The following JARID2 variants were observed in gnomAD, a reference collection of about 807,000 sequenced individuals.
The protein encoded by JARID2 is jumonji and AT-rich interaction domain containing 2.
In JARID2, 21 loss-of-function variants were observed where a neutral mutation model predicts 125.6. That is an observed-to-expected ratio of 0.17 (90% CI 0.12 to 0.24). The LOEUF is 0.24. JARID2 is among the 10% of genes least tolerant of loss of function. The probability of loss-of-function intolerance (pLI) is 1.00; values close to 1 mark genes in which losing one functional copy is unlikely to be tolerated. For synonymous variants in JARID2, 736 were observed against 661.6 expected, an observed-to-expected ratio of 1.11 and a Z score of -1.73; for missense variants, 1,303 against 1,639.6, an observed-to-expected ratio of 0.79 and a Z score of 3.55.
chr6:15,386,021 G>A lies in JARID2; in HGVS notation c.181+11769G>A, dbSNP rs190702147. The stretch of plus-strand genomic sequence containing the variant: ...GTTTAGGTACAAGGTATGTTGCTTG[G>A]TGGTTTAAATTACAATTGGGCTTTT... On this transcript the variant is annotated intron_variant, in intron 2 of 17. Transcript: ENST00000341776. 9.7e-4 allele frequency among the ~76,000 whole-genome samples: 148 copies of A among 152,254 alleles called. 2 individuals carry two copies. The highest frequency in any genetic ancestry group is 4.4e-4 in the Non-Finnish European group (30 of 68,006).
intron 8 of JARID2, among the ~76,000 whole-genome samples, chr6:15,503,528 A>T (rs1770843244): frequency 6.6e-6 from 1 of 151,824 alleles, no homozygotes; most frequent in Admixed American, 6.6e-5. Flanking sequence ...GCCTTCCCTG[A>T]CCACCCTCCC....
chr6:15,504,359 G>C (rs1213144115), intron 8 of JARID2, 141 bp from the exon 9 acceptor site: 13 of 633,616 alleles, frequency 2.1e-5, no homozygotes, highest in Non-Finnish European at 3.4e-5. Context: ...TTCCTTCTCT[G>C]CCTGTCATTA....
chr6:15,505,191 C>T (rs566578246), intron 9 of JARID2: 1 of 152,360 alleles, frequency 6.6e-6, no homozygotes, highest in East Asian at 1.9e-4. Flanking sequence ...TGTGAACTTC[C>T]AGCTGCTGAC....
At chr6:15,465,185 G>A (rs1165880479) in intron 4 of JARID2, among the ~76,000 whole-genome samples, 1 of 152,172 alleles carries the variant, frequency 6.6e-6, no homozygotes, top group Non-Finnish European at 1.5e-5. Context: ...CGGGCATGGT[G>A]GCTCACTCCT....
At chr6:15,410,132 G>T in intron 2 of JARID2, 92 bp from the exon 3 acceptor site, 1 of 1,189,310 alleles carries the variant, frequency 8.4e-7, no homozygotes, top group Non-Finnish European at 1.2e-6. Context: ...ATTCTTGTCT[G>T]TCTTCATCAG....
chr6:15,496,595 C>A lies in JARID2; in HGVS notation c.1370C>A (p.Pro457His), dbSNP rs752867259. 4.4e-6 allele frequency: 7 copies of A among 1,602,924 alleles called. No homozygotes were observed. In the African/African-American group the frequency reaches 8.1e-5, roughly 19 times the overall value. The change falls in exon 7 of 18, where the codon CCC becomes CAC. Residue 457 changes from proline (P) to histidine (H), a missense_variant. This residue lies in a region of JARID2 where 651 missense variants were observed against 581.6 expected (regional missense o/e 1.12). Transcript: ENST00000341776. ...AHQAEKPQSP[P>H]KKMKGAAGPA... ...CAGGCGGAGAAGCCGCAGTCGCCCC[C>A]CAAGAAGATGAAAGGGGCGGCTGGC... is the stretch of plus-strand genomic sequence containing the variant.
At chr6:15,458,066 A>AG (rs1768268935) in intron 4 of JARID2, among the ~76,000 whole-genome samples, 2 of 152,294 alleles carry the variant, frequency 1.3e-5, no homozygotes, top group Middle Eastern at 3.4e-3. Context: ...AGGCATAATT[A>AG]GTATCTTTCA....
intron 1 of JARID2, among the ~76,000 whole-genome samples, chr6:15,345,523 G>A (rs1360282412): frequency 6.6e-6 from 1 of 152,174 alleles, no homozygotes; most frequent in African/African-American, 2.4e-5. Flanking sequence ...ATAGGAAGTA[G>A]TATATGGAAA....
chr6:15,397,907 A>G (rs541571538), intron 2 of JARID2, among the ~76,000 whole-genome samples: 1 of 152,366 alleles, frequency 6.6e-6, no homozygotes, highest in African/African-American at 2.4e-5. Flanking sequence ...GCCCTTGGAC[A>G]TGAGAATCAT....
chr6:15,283,255 G>A (rs1257185558), intron 1 of JARID2, among the ~76,000 whole-genome samples: 1 of 150,840 alleles, frequency 6.6e-6, no homozygotes, highest in Non-Finnish European at 1.5e-5. Context: ...TGGGATTACA[G>A]GTGTGAGCCA....
At chr6:15,312,841 G>A (rs181367359) in intron 1 of JARID2, among the ~76,000 whole-genome samples, 1 of 152,220 alleles carries the variant, frequency 6.6e-6, no homozygotes, top group East Asian at 1.9e-4. Flanking sequence ...CACACACACT[G>A]AAAGAACCTA....
chr6:15,373,954 G>A (rs1764259644), intron 1 of JARID2, among the ~76,000 whole-genome samples, 163 bp from the exon 2 acceptor site: 1 of 152,192 alleles, frequency 6.6e-6, no homozygotes. Context: ...TGTTCAGAAA[G>A]GTCATTGCCC....
intron 1 of JARID2, among the ~76,000 whole-genome samples, chr6:15,347,116 G>A (rs953744448): frequency 1.3e-5 from 2 of 152,126 alleles, no homozygotes; most frequent in Admixed American, 6.6e-5. Flanking sequence ...GAGACATTTC[G>A]TGGTTAAGAA....
intron 5 of JARID2, among the ~76,000 whole-genome samples, chr6:15,480,107 C>T (rs939620510): frequency 3.9e-5 from 6 of 152,166 alleles, no homozygotes; most frequent in African/African-American, 9.7e-5. Flanking sequence ...CAGAAACTTG[C>T]GGTGGATCTC....
intron 3 of JARID2, among the ~76,000 whole-genome samples, chr6:15,449,485 A>G (rs1422984298): frequency 1.3e-5 from 2 of 149,478 alleles, no homozygotes; most frequent in Non-Finnish European, 3.0e-5. Context: ...GTCTTTATCA[A>G]AAAAAAAAAC....
At chr6:15,352,378 G>T (rs967583474) in intron 1 of JARID2, among the ~76,000 whole-genome samples, 1 of 152,112 alleles carries the variant, frequency 6.6e-6, no homozygotes, top group South Asian at 2.1e-4. Flanking sequence ...TCCTGATAAC[G>T]TGCATTGTCA....
chr6:15,398,926 A>T (rs1039958778), intron 2 of JARID2, among the ~76,000 whole-genome samples: 1 of 152,206 alleles, frequency 6.6e-6, no homozygotes, highest in Non-Finnish European at 1.5e-5. Flanking sequence ...CTTGCTGAGA[A>T]TTAGCATAAT....
At chr6:15,356,858 TACA>T (rs2127489580) in intron 1 of JARID2, among the ~76,000 whole-genome samples, 1 of 152,062 alleles carries the variant, frequency 6.6e-6, no homozygotes, top group South Asian at 2.1e-4. Flanking sequence ...CTATTAAAAA[TACA>T]ACATTACCTG....
intron 1 of JARID2, among the ~76,000 whole-genome samples, chr6:15,296,926 C>G (rs1293662534): frequency 6.6e-6 from 1 of 152,172 alleles, no homozygotes; most frequent in Non-Finnish European, 1.5e-5. Context: ...CAGGGCTGGC[C>G]CTGTGGCCTT....
Sources: allele counts gnomAD v4.1 joint callset (sites outside exome capture counted in the v4.1 genomes callset), GRCh38; gene constraint gnomAD v4.1.1; regional missense constraint gnomAD v4.1.1; transcripts MANE v1.5; gene names NCBI Gene and HGNC (gene_info 2026-07-23, HGNC 2026-07-21).